The following ADGRE3 variants were observed in gnomAD, a reference collection of about 807,000 sequenced individuals.
ADGRE3 encodes EGF-like module receptor 3.
ADGRE3 carries 88 observed loss-of-function variants against 80.1 expected under a neutral mutation model. That is an observed-to-expected ratio of 1.10 (90% CI 0.93 to 1.31). The LOEUF is 1.31. Among genes scored for constraint, ADGRE3 ranks in the 40% most tolerant of loss-of-function variants. The pLI is 0.00. For synonymous variants in ADGRE3, 281 were observed against 294.8 expected, an observed-to-expected ratio of 0.95 and a Z score of 0.48; for missense variants, 715 against 776.5, an observed-to-expected ratio of 0.92 and a Z score of 0.94.
Position 14,633,253 on chromosome 19 carries a change from C to T in ADGRE3, c.1534G>A (p.Val512Ile), listed in dbSNP as rs1347276801. The change falls in exon 12 of 16, where the codon GTC becomes ATC. Residue 512 changes from valine to isoleucine, a missense_variant. By Grantham distance (29) the Val-to-Ile change is conservative. Coordinates refer to ENST00000253673, the MANE Select transcript of ADGRE3 (RefSeq NM_032571.5). ...ATACTCACAGAGAAAATGGCACAGA[C>T]TGGGCCAAGGAAACTCCACATGAAT... Reference protein sequence around the residue: ...QGFMWSFLGPVCAIFSANLVL... With the variant: ...QGFMWSFLGPICAIFSANLVL... 1.9e-6 allele frequency: 3 copies of T among 1,612,898 alleles called. No individual in the cohort carries two copies. The Admixed American group carries it at 5.0e-5, about 27-fold the overall frequency.
downstream of ADGRE3, among the ~76,000 whole-genome samples, chr19:14,615,542 C>A (rs2075070442): frequency 6.6e-6 from 1 of 151,934 alleles, no homozygotes; most frequent in Non-Finnish European, 1.5e-5. Context: ...AGGTGGATCG[C>A]TTGAGGCCAT....
chr19:14,618,168 A>G (rs1476546970), downstream of ADGRE3, among the ~76,000 whole-genome samples: 1 of 152,192 alleles, frequency 6.6e-6, no homozygotes, highest in African/African-American at 2.4e-5. Flanking sequence ...GATGTTTTGA[A>G]ATATATCTAC....
chr19:14,641,253 T>G (rs1249009914), intron 10 of ADGRE3, among the ~76,000 whole-genome samples, 166 bp downstream of exon 10: 1 of 152,166 alleles, frequency 6.6e-6, no homozygotes, highest in Non-Finnish European at 1.5e-5. Context: ...TTATCTGTCT[T>G]TTGTTACATG....
chr19:14,639,774 T>C (rs1971196208), intron 10 of ADGRE3, among the ~76,000 whole-genome samples: 1 of 152,222 alleles, frequency 6.6e-6, no homozygotes, highest in Non-Finnish European at 1.5e-5. Flanking sequence ...AATAGCTCTC[T>C]GCCCTCCCCC....
intron 7 of ADGRE3, among the ~76,000 whole-genome samples, chr19:14,647,990 G>A (rs1405803883): frequency 2.0e-5 from 3 of 149,940 alleles, no homozygotes; most frequent in Admixed American, 6.7e-5. Flanking sequence ...GCTGAGGCTG[G>A]AGAATCGCTT....
chr19:14,618,029 T>A (rs75256724), downstream of ADGRE3, among the ~76,000 whole-genome samples: 6,633 of 152,168 alleles, frequency 0.044, 233 homozygotes, highest in Non-Finnish European at 0.061. Context: ...ATTTTTTTAT[T>A]TTTTGCAAAA....
chr19:14,612,159 G>A, the ADGRE3 span, among the ~76,000 whole-genome samples: 3 of 152,150 alleles, frequency 2.0e-5, no homozygotes, highest in African/African-American at 7.2e-5. Context: ...ACAAAGGACT[G>A]GGTGGCTTCA....
intron 11 of ADGRE3, 78 bp from the exon 12 acceptor site, chr19:14,633,380 A>G: frequency 9.2e-7 from 1 of 1,087,118 alleles, no homozygotes; most frequent in South Asian, 1.5e-5. Context: ...CTCTTTTCCT[A>G]CCAGAGAATT....
intron 1 of ADGRE3, among the ~76,000 whole-genome samples, chr19:14,669,085 C>T (rs1370726159): frequency 6.6e-6 from 1 of 152,110 alleles, no homozygotes; most frequent in African/African-American, 2.4e-5. Flanking sequence ...GAAAAGAAAT[C>T]ATTATATAAA....
chr19:14,636,096 T>TTC (rs1292971313), intron 11 of ADGRE3, among the ~76,000 whole-genome samples: 8 of 44,112 alleles, frequency 1.8e-4, no homozygotes, highest in African/African-American at 5.0e-4. Flanking sequence ...CTTTCTTTCT[T>TTC]TCTTTCTTTC....
At chr19:14,630,881 A>T (rs1333782843) in intron 13 of ADGRE3, among the ~76,000 whole-genome samples, 1 of 151,896 alleles carries the variant, frequency 6.6e-6, no homozygotes, top group Non-Finnish European at 1.5e-5. Flanking sequence ...TATCATTTAT[A>T]GACAGGGGTC....
chr19:14,659,352 T>A (rs1971873091), intron 4 of ADGRE3, among the ~76,000 whole-genome samples: 1 of 152,168 alleles, frequency 6.6e-6, no homozygotes, highest in African/African-American at 2.4e-5. Flanking sequence ...CTCCAAATTC[T>A]TTTATTCCAT....
intron 1 of ADGRE3, among the ~76,000 whole-genome samples, chr19:14,674,295 G>A (rs1367538793): frequency 1.3e-5 from 2 of 151,932 alleles, no homozygotes; most frequent in African/African-American, 4.8e-5. Context: ...TCAGGAGTTC[G>A]AGACCAGCCA....
the ADGRE3 span, among the ~76,000 whole-genome samples, chr19:14,601,593 A>G: frequency 3.9e-5 from 6 of 152,090 alleles, no homozygotes; most frequent in African/African-American, 1.4e-4. Flanking sequence ...GACCATAGAC[A>G]TAGGACTATA....
intron 14 of ADGRE3, among the ~76,000 whole-genome samples, chr19:14,628,101 C>T (rs1404714174): frequency 6.6e-6 from 1 of 151,956 alleles, no homozygotes; most frequent in Non-Finnish European, 1.5e-5. Flanking sequence ...GCACTCCAGC[C>T]TGGGCAACAA....
chr19:14,658,535 T>C lies in ADGRE3; in HGVS notation c.371A>G (p.Lys124Arg). ...CACCTCTTTCCTGCCCTCGGTTGTCTTTGAGGAGGTGGTGTCTGCAAAAGA... is the reference window on the plus strand; with the variant it reads ...CACCTCTTTCCTGCCCTCGGTTGTCCTTGAGGAGGTGGTGTCTGCAAAAGA... Reference protein sequence around the residue: ...ENTCQDTTSSKTTEGRKELQK... With the variant: ...ENTCQDTTSSRTTEGRKELQK... Residue 124 changes from lysine (K) to arginine (R), a missense_variant, in exon 5 of 16, where the codon AAG becomes AGG. Coordinates refer to ENST00000253673, the MANE Select transcript of ADGRE3 (RefSeq NM_032571.5). The C allele has an allele frequency of 6.4e-7, 1 of 1,568,026 alleles. No individual in the cohort carries two copies. The highest frequency in any genetic ancestry group is 8.6e-7 in the Non-Finnish European group (1 of 1,156,644).
chr19:14,674,695 C>T, intron 1 of ADGRE3, 51 bp downstream of exon 1: 1 of 1,588,430 alleles, frequency 6.3e-7, no homozygotes, highest in Non-Finnish European at 8.6e-7. Flanking sequence ...ACCAAGTGGT[C>T]CCTGACTGGG....
rs761297045 is a variant in ADGRE3 at position 14,655,069 on chromosome 19, T to C, written c.490A>G (p.Ile164Val). 1 of 1,614,004 alleles carries C rather than the reference T, an allele frequency of 6.2e-7. No homozygotes were observed. The highest frequency in any genetic ancestry group is 1.1e-5 in the South Asian group (1 of 91,088). Residue 164 changes from isoleucine to valine, a missense_variant, in exon 6 of 16, where the codon ATT (isoleucine) becomes GTT (valine). Transcript: ENST00000253673. Reference sequence around the variant, plus strand: ...ACTTTCGATTCCACATCCCGGAGAATAGTGGTAGCTGTGGATGAGATTTCT... The same window carrying C: ...ACTTTCGATTCCACATCCCGGAGAACAGTGGTAGCTGTGGATGAGATTTCT... ...RQEISSTATT[I>V]LRDVESKVLE...
chr19:14,662,037 C>G lies in ADGRE3; in HGVS notation c.281G>C (p.Cys94Ser), dbSNP rs1971959147. ...VCYNVEGSFY[C>S]QCVPGYRLHS... is the part of the protein sequence containing the mutation. ...CAGTCTATATCCTGGGACACATTGA[C>G]AGTAGAAACTTCCTTCGACATTGTA... The change falls in exon 4 of 16, where the codon TGT (cysteine) becomes TCT (serine). Residue 94 changes from cysteine to serine, a missense_variant. Coordinates refer to ENST00000253673, the MANE Select transcript of ADGRE3 (RefSeq NM_032571.5). 6.2e-7 allele frequency: 1 copy of G among 1,613,932 alleles called. No homozygotes were observed. Among genetic ancestry groups the G allele is most frequent in the Non-Finnish European group, 8.5e-7 (1 of 1,179,884 alleles).
Sources: gnomAD v4.1 joint callset for allele counts (sites outside exome capture counted in the v4.1 genomes callset) on GRCh38, gnomAD v4.1.1 for gene constraint, MANE v1.5 for transcripts, NCBI Gene and HGNC (gene_info 2026-07-23, HGNC 2026-07-21) for gene names.